NEDD9: variants seen among roughly 807,000 people sequenced by gnomAD.
The protein encoded by NEDD9 is neural precursor cell expressed, developmentally down-regulated 9.
In NEDD9, 26 loss-of-function variants were observed where a neutral mutation model predicts 76.6. The ratio of observed to expected loss-of-function variants is 0.34; its 90% CI spans 0.25 to 0.47. The LOEUF is 0.47. NEDD9 is among the 20% of genes least tolerant of loss of function. The probability of loss-of-function intolerance (pLI) is 1.00; values close to 1 mark genes in which losing one functional copy is unlikely to be tolerated. For missense variants in NEDD9, 937 were observed against 1,058.5 expected (o/e 0.89, Z 1.59); for synonymous variants, 392 against 414.2 (o/e 0.95, Z 0.65).
chr6:11,223,911 G>A (rs1759226218), intron 1 of NEDD9, among the ~76,000 whole-genome samples: 1 of 152,232 alleles, frequency 6.6e-6, no homozygotes, highest in Non-Finnish European at 1.5e-5. Flanking sequence ...TAAGGGAGAT[G>A]GGATAATGCC....
rs574573877 is a variant in NEDD9, at chr6:11,360,987, T to G, written c.-214+21152A>C. ...AAACTAATGTATCAGCTTGTTTGTGTGTATGACTGTGAGCGTACATGTGTG... is the reference window on the plus strand; with the variant it reads ...AAACTAATGTATCAGCTTGTTTGTGGGTATGACTGTGAGCGTACATGTGTG... On this transcript the variant is annotated intron_variant, in intron 1 of 3. Transcript: ENST00000397378. Among the ~76,000 whole-genome samples the G allele has an allele frequency of 1.2e-4, 18 of 152,370 alleles. No homozygotes were observed. In the South Asian group the frequency reaches 3.7e-3, roughly 32 times the overall value.
intron 1 of NEDD9, among the ~76,000 whole-genome samples, chr6:11,224,361 C>T (rs1473858961): frequency 6.6e-6 from 1 of 152,160 alleles, no homozygotes; most frequent in Non-Finnish European, 1.5e-5. Context: ...TGTCGGGCTG[C>T]GTTCATTTCT....
At chr6:11,276,380 CGT>C (rs571346830) in intron 3 of NEDD9, among the ~76,000 whole-genome samples, 344 of 152,062 alleles carry the variant, frequency 2.3e-3, no homozygotes, top group African/African-American at 7.4e-3. Flanking sequence ...CACCTGTGCA[CGT>C]GTGTGTGTGC....
At chr6:11,366,191 G>GGA (rs1202611856) in intron 1 of NEDD9, among the ~76,000 whole-genome samples, 1 of 151,988 alleles carries the variant, frequency 6.6e-6, no homozygotes, top group Non-Finnish European at 1.5e-5. Flanking sequence ...GGCTGAAGCA[G>GGA]GAGAATCACT....
chr6:11,185,440 C>T lies in NEDD9; in HGVS notation c.2227G>A (p.Val743Met), dbSNP rs373145975. 14 of 1,614,058 alleles carry T rather than the reference C, an allele frequency of 8.7e-6. No homozygotes were observed. The highest frequency in any genetic ancestry group is 2.2e-5 in the East Asian group (1 of 44,900). Reference sequence around the variant, plus strand: ...AGGATGACAAACTTGCTGTGTGCCACGAAGATTCGCGGGGGCTGGGCTGAG... The same window carrying T: ...AGGATGACAAACTTGCTGTGTGCCATGAAGATTCGCGGGGGCTGGGCTGAG... ...VSSAQPPRIF[V>M]AHSKFVILSA... The change falls in exon 7 of 7, where the codon GTG becomes ATG. Residue 743 changes from valine to methionine, a missense_variant. Coordinates refer to ENST00000379446, the MANE Select transcript of NEDD9 (RefSeq NM_006403.4).
chr6:11,255,291 G>A (rs948900214), intron 3 of NEDD9, among the ~76,000 whole-genome samples: 25 of 152,228 alleles, frequency 1.6e-4, no homozygotes, highest in Non-Finnish European at 3.2e-4. Flanking sequence ...CACCCCAGAA[G>A]GGGGTGATTC....
At chr6:11,210,613 T>C (rs1006831493) in intron 2 of NEDD9, among the ~76,000 whole-genome samples, 1 of 152,068 alleles carries the variant, frequency 6.6e-6, no homozygotes, top group Non-Finnish European at 1.5e-5. Context: ...ACTGAGAATA[T>C]CCTATACCCA....
chr6:11,275,374 C>G (rs973273338), intron 3 of NEDD9, among the ~76,000 whole-genome samples: 1 of 151,838 alleles, frequency 6.6e-6, no homozygotes, highest in Non-Finnish European at 1.5e-5. Context: ...ATTGCATACT[C>G]GAAAATTGCT....
chr6:11,233,438 A>C (rs1440940568), upstream of NEDD9: 2 of 518,938 alleles, frequency 3.9e-6, no homozygotes, highest in Non-Finnish European at 7.7e-6. Context: ...GGGGTTGGCC[A>C]GTGCACGCCC....
intron 1 of NEDD9, among the ~76,000 whole-genome samples, chr6:11,231,416 G>A (rs968195994): frequency 3.9e-5 from 6 of 152,180 alleles, no homozygotes; most frequent in South Asian, 4.1e-4. Flanking sequence ...GTTAGACCAA[G>A]TATTTACAAC....
At chr6:11,281,110 T>C (rs968497299) in intron 3 of NEDD9, among the ~76,000 whole-genome samples, 2 of 152,262 alleles carry the variant, frequency 1.3e-5, no homozygotes, top group African/African-American at 2.4e-5. Flanking sequence ...ATTTGTATCA[T>C]TGCTGTGGAA....
At chr6:11,334,988 T>C (rs1480641487) in intron 1 of NEDD9, among the ~76,000 whole-genome samples, 1 of 152,144 alleles carries the variant, frequency 6.6e-6, no homozygotes, top group Non-Finnish European at 1.5e-5. Context: ...GAGCAATCAT[T>C]AAAGCTGATC....
chr6:11,357,985 C>G (rs1762609848), intron 1 of NEDD9, among the ~76,000 whole-genome samples: 1 of 152,130 alleles, frequency 6.6e-6, no homozygotes, highest in Non-Finnish European at 1.5e-5. Context: ...CATGGTGGCT[C>G]ACGCCTGTAA....
Position 11,201,073 on chromosome 6 carries a change from A to G in NEDD9, c.460-7381T>C, listed in dbSNP as rs1039681948. 2.5e-6 allele frequency: 4 copies of G among 1,614,086 alleles called. No homozygotes were observed. In the African/African-American group the frequency reaches 5.3e-5, roughly 22 times the overall value. ...TAGAGACAAAGCATTTTCTGTCAAG[A>G]CAAGTTCTGCTCACATTGTGTCACT... is the stretch of plus-strand genomic sequence containing the variant. On this transcript the variant is annotated intron_variant, in intron 2 of 6. Coordinates refer to ENST00000379446, the MANE Select transcript of NEDD9 (RefSeq NM_006403.4).
chr6:11,232,831 C>A (rs143883668), upstream of NEDD9: 1,009 of 819,156 alleles, frequency 1.2e-3, 7 homozygotes, highest in African/African-American at 0.013. Context: ...CTTTATCAGA[C>A]GGTGGAAAAT....
At chr6:11,348,558 A>G (rs987959301) in intron 1 of NEDD9, among the ~76,000 whole-genome samples, 19 of 152,226 alleles carry the variant, frequency 1.2e-4, no homozygotes, top group African/African-American at 4.3e-4. Context: ...TAACCAAAAC[A>G]GCATGGTACA....
intron 1 of NEDD9, among the ~76,000 whole-genome samples, chr6:11,339,496 C>G (rs1049266929): frequency 6.6e-6 from 1 of 152,182 alleles, no homozygotes; most frequent in African/African-American, 2.4e-5. Flanking sequence ...ACCTACTTTT[C>G]TCATGTTTTA....
At chr6:11,257,003 A>G (rs1480284076) in intron 3 of NEDD9, among the ~76,000 whole-genome samples, 1 of 152,176 alleles carries the variant, frequency 6.6e-6, no homozygotes, top group East Asian at 1.9e-4. Flanking sequence ...AATGCCAGAA[A>G]ACAGGGTAAC....
Position 11,237,805 on chromosome 6 carries a change from A to G in NEDD9, c.13-24078T>C, listed in dbSNP as rs1759635856. On this transcript the variant is annotated intron_variant, in intron 3 of 3. Transcript: ENST00000397378. The surrounding 1 kb of genome is among the most constrained non-coding windows in gnomAD (Gnocchi z 4.9). ...CCCACACTCTAGATTAGTGCAAGGT[A>G]CATCTATGCCTGAGTTCAGAATAAA... Among the ~76,000 whole-genome samples the G allele has an allele frequency of 6.6e-6, 1 of 152,204 alleles. No homozygotes were observed. Among genetic ancestry groups the G allele is most frequent in the African/African-American group, 2.4e-5 (1 of 41,452 alleles).
Sources: gnomAD v4.1 joint callset for allele counts (sites outside exome capture counted in the v4.1 genomes callset) on GRCh38, gnomAD v4.1.1 for gene constraint, Gnocchi (gnomAD v3.1) non-coding constraint, MANE v1.5 for transcripts, NCBI Gene and HGNC (gene_info 2026-07-23, HGNC 2026-07-21) for gene names.